STAU2: variants seen among roughly 807,000 people sequenced by gnomAD.
The protein encoded by STAU2 is double-stranded RNA-binding protein Staufen homolog 2.
Under a neutral mutation model 65.9 loss-of-function variants are expected in STAU2, and 20 were observed. That is an observed-to-expected ratio of 0.30 (90% CI 0.21 to 0.44). The LOEUF (loss-of-function observed/expected upper bound fraction) is 0.44, where lower values mean the gene tolerates loss of function less well. Among genes scored for constraint, STAU2 ranks in the 20% least tolerant of loss-of-function variants. The pLI, the probability that STAU2 is intolerant of heterozygous loss-of-function variation, is 1.00. For synonymous variants in STAU2, 232 were observed against 233.9 expected, an observed-to-expected ratio of 0.99 and a Z score of 0.07; for missense variants, 558 against 683.9, an observed-to-expected ratio of 0.82 and a Z score of 2.05.
intron 13 of STAU2, among the ~76,000 whole-genome samples, chr8:73,464,253 A>G (rs1680297299): frequency 6.6e-6 from 1 of 152,144 alleles, no homozygotes; most frequent in Admixed American, 6.5e-5. Flanking sequence ...TTCTAAGCTC[A>G]CGTCAAGCTA....
intron 12 of STAU2, among the ~76,000 whole-genome samples, chr8:73,552,609 G>A (rs57161349): frequency 0.098 from 14,954 of 152,120 alleles, 1,162 homozygotes; most frequent in East Asian, 0.44. Context: ...CTGAATGTGT[G>A]GAAGTATAAT....
intron 13 of STAU2, among the ~76,000 whole-genome samples, chr8:73,535,585 T>G (rs1013931904): frequency 1.3e-5 from 2 of 152,134 alleles, no homozygotes; most frequent in African/African-American, 2.4e-5. Flanking sequence ...TACATTTCCA[T>G]CGAAAGAAAA....
At chr8:73,680,773 G>A (rs1399221901) in intron 5 of STAU2, among the ~76,000 whole-genome samples, 1 of 151,794 alleles carries the variant, frequency 6.6e-6, no homozygotes, top group African/African-American at 2.4e-5. Flanking sequence ...ATAAAAAAGA[G>A]TCACAACTTC....
intron 4 of STAU2, among the ~76,000 whole-genome samples, chr8:73,700,336 G>C (rs902193676): frequency 6.6e-6 from 1 of 151,964 alleles, no homozygotes; most frequent in African/African-American, 2.4e-5. Context: ...TCAGGCAAGA[G>C]AAAGAAAGAA....
rs1174537252 is a variant in STAU2 at position 73,470,011 on chromosome 8, T to C, written c.1531-47309A>G. On this transcript the variant is annotated intron_variant, in intron 13 of 14. Transcript: ENST00000524300. The stretch of plus-strand genomic sequence containing the variant: ...CCCTGGATTTAGGTCTCTCAAAATG[T>C]ACAGGCTCTGTGACTTGGGCAAGTG... Among the ~76,000 whole-genome samples the C allele has an allele frequency of 2.0e-5, 3 of 152,244 alleles. No homozygotes were observed. The East Asian group carries it at 5.8e-4, about 29-fold the overall frequency.
intron 13 of STAU2, among the ~76,000 whole-genome samples, chr8:73,545,813 A>C (rs956205489): frequency 1.3e-5 from 2 of 151,864 alleles, no homozygotes; most frequent in Admixed American, 1.3e-4. Context: ...ATGCCTGGCT[A>C]ATTTTTTGTA....
At chr8:73,479,472 G>GCA (rs5892420) in intron 13 of STAU2, among the ~76,000 whole-genome samples, 2,738 of 139,932 alleles carry the variant, frequency 0.02, 93 homozygotes, top group African/African-American at 0.061. Context: ...TCCCTATTCT[G>GCA]CACACACACA....
At chr8:73,628,767 C>T (rs111759624) in intron 6 of STAU2, among the ~76,000 whole-genome samples, 5,142 of 152,174 alleles carry the variant, frequency 0.034, 259 homozygotes, top group African/African-American at 0.11. Context: ...CACTCTTTTT[C>T]GATAAATTAA....
upstream of STAU2, chr8:73,747,468 C>G (rs1807365626): frequency 6.5e-7 from 1 of 1,534,340 alleles, no homozygotes; most frequent in African/African-American, 1.4e-5. Context: ...CGCCGCTGTG[C>G]AACGCACGGT....
chr8:73,438,373 C>T (rs980239949), intron 13 of STAU2, among the ~76,000 whole-genome samples: 5 of 152,214 alleles, frequency 3.3e-5, no homozygotes, highest in African/African-American at 1.2e-4. Flanking sequence ...AAAGGACATA[C>T]AGCAATGACA....
At chr8:73,450,373 G>C (rs908526611) in intron 13 of STAU2, among the ~76,000 whole-genome samples, 2 of 152,116 alleles carry the variant, frequency 1.3e-5, no homozygotes, top group African/African-American at 2.4e-5. Context: ...AGGTGCATAA[G>C]TTTCACCCGA....
At chr8:73,633,180 A>G (rs1303117452) in intron 6 of STAU2, among the ~76,000 whole-genome samples, 1 of 152,250 alleles carries the variant, frequency 6.6e-6, no homozygotes, top group Non-Finnish European at 1.5e-5. Flanking sequence ...CTGAGCATGC[A>G]GTAACTCATC....
chr8:73,505,972 T>C (rs1416402948), intron 13 of STAU2, among the ~76,000 whole-genome samples: 2 of 152,078 alleles, frequency 1.3e-5, no homozygotes, highest in Admixed American at 1.3e-4. Context: ...ATGCCCGCCA[T>C]GTGACACGCC....
chr8:73,439,461 T>C (rs1228275201), intron 13 of STAU2, among the ~76,000 whole-genome samples: 1 of 151,830 alleles, frequency 6.6e-6, no homozygotes, highest in African/African-American at 2.4e-5. Context: ...TACTGAAAAA[T>C]ACAAAAATTA....
chr8:73,743,692 C>T (rs961991990), intron 1 of STAU2, among the ~76,000 whole-genome samples: 4 of 151,262 alleles, frequency 2.6e-5, no homozygotes, highest in African/African-American at 4.9e-5. Context: ...AGGCTGGTCT[C>T]GAACCCCCAA....
At chr8:73,552,393 T>C in intron 12 of STAU2, 74 bp from the exon 13 acceptor site, 1 of 1,297,560 alleles carries the variant, frequency 7.7e-7, no homozygotes. Context: ...ATTAACTCAA[T>C]GGCTTTACTT....
intron 4 of STAU2, among the ~76,000 whole-genome samples, chr8:73,708,276 G>C (rs1378951382): frequency 2.6e-5 from 4 of 152,154 alleles, no homozygotes; most frequent in Admixed American, 2.6e-4. Flanking sequence ...TCAACCCTTA[G>C]AGAACAAATG....
chr8:73,471,429 C>G, intron 13 of STAU2, among the ~76,000 whole-genome samples: 1 of 150,992 alleles, frequency 6.6e-6, no homozygotes. Flanking sequence ...CTCAAGTGAT[C>G]TGCCTACCTA....
chr8:73,545,463 A>C (rs1240825737), intron 13 of STAU2, among the ~76,000 whole-genome samples: 2 of 152,160 alleles, frequency 1.3e-5, no homozygotes, highest in African/African-American at 4.8e-5. Context: ...CTATATTAAG[A>C]TGGCAGAACT....
Sources: gnomAD v4.1 joint callset for allele counts (sites outside exome capture counted in the v4.1 genomes callset) on GRCh38, gnomAD v4.1.1 for gene constraint, MANE v1.5 for transcripts, NCBI Gene and HGNC (gene_info 2026-07-23, HGNC 2026-07-21) for gene names.